Variants in VEPH1 observed in about 807,000 individuals in gnomAD.
The protein encoded by VEPH1 is ventricular zone expressed PH domain containing 1.
Under a neutral mutation model 85.2 loss-of-function variants are expected in VEPH1, and 80 were observed. The ratio of observed to expected loss-of-function variants is 0.94; its 90% confidence interval spans 0.78 to 1.13. The LOEUF (loss-of-function observed/expected upper bound fraction) is 1.13. VEPH1 is among the 50% of genes most tolerant of loss of function. The probability of loss-of-function intolerance (pLI) is 0.00; values close to 1 mark genes in which losing one functional copy is unlikely to be tolerated. For synonymous variants in VEPH1, 297 were observed against 348.0 expected, an observed-to-expected ratio of 0.85 and a Z score of 1.63; for missense variants, 955 against 980.5, an observed-to-expected ratio of 0.97 and a Z score of 0.35.
At chr3:157,444,216 T>C (rs1045430255) in intron 4 of VEPH1, among the ~76,000 whole-genome samples, 11 of 152,186 alleles carry the variant, frequency 7.2e-5, no homozygotes, top group Admixed American at 5.9e-4. Context: ...TGATATGTCC[T>C]CTGAAAGATA....
Position 157,423,015 on chromosome 3 carries a change from C to T in VEPH1, c.696+5307G>A, listed in dbSNP as rs538040685. 1.1e-3 allele frequency among the ~76,000 whole-genome samples: 168 copies of T among 152,290 alleles called. 1 individual carries two copies. Among genetic ancestry groups the T allele is most frequent in the Non-Finnish European group, 1.6e-3 (107 of 68,030 alleles). Reference sequence around the variant, plus strand: ...TTTTTTACTTCTCTAGACCTTGACCCTGTTGAGCCACTTTTTCCCCTTTGG... The same window carrying T: ...TTTTTTACTTCTCTAGACCTTGACCTTGTTGAGCCACTTTTTCCCCTTTGG... On this transcript the variant is annotated intron_variant, in intron 5 of 13. Transcript: ENST00000362010.
intron 1 of VEPH1, among the ~76,000 whole-genome samples, chr3:157,501,393 A>G (rs1046926717): frequency 2.0e-5 from 3 of 152,236 alleles, no homozygotes; most frequent in African/African-American, 7.2e-5. Flanking sequence ...CTAGAATACA[A>G]TGTATCTCAA....
At chr3:157,447,854 C>T (rs930445504) in intron 4 of VEPH1, among the ~76,000 whole-genome samples, 2 of 152,076 alleles carry the variant, frequency 1.3e-5, no homozygotes, top group Admixed American at 6.6e-5. Flanking sequence ...CTCAGCCTCC[C>T]AAAGTGCTGG....
At chr3:157,410,037 G>A (rs1731417399) in intron 6 of VEPH1, 1 of 718,666 alleles carries the variant, frequency 1.4e-6, no homozygotes, top group Non-Finnish European at 1.7e-6. Context: ...GGATCTCAAA[G>A]TTGGATTGGC....
At chr3:157,369,279 G>A (rs1463835139) in intron 7 of VEPH1, among the ~76,000 whole-genome samples, 1 of 150,206 alleles carries the variant, frequency 6.7e-6, no homozygotes, top group Non-Finnish European at 1.5e-5. Flanking sequence ...GGATGGCACA[G>A]TGCTATTTGG....
At chr3:157,286,522 C>T in intron 12 of VEPH1, 35 bp downstream of exon 12, 1 of 1,568,520 alleles carries the variant, frequency 6.4e-7, no homozygotes, top group Non-Finnish European at 8.8e-7. Context: ...ATTTGGGGCA[C>T]AAATGGTTCT....
rs143888754 is a variant in VEPH1, at chr3:157,427,880, C to A, written c.696+442G>T. Among the ~76,000 whole-genome samples the A allele has an allele frequency of 9.8e-5, 15 of 152,312 alleles. No homozygotes were observed. In the East Asian group the frequency reaches 2.7e-3, roughly 27 times the overall value. On this transcript the variant is annotated intron_variant, in intron 5 of 13. Transcript: ENST00000362010. ...TGAGATTAGCATTTGAATGGGTAGA[C>A]TGAATAAAGCAGATTGCCCCTGCAA...
At chr3:157,304,038 T>TATATATATATATATATATATAC in intron 11 of VEPH1, among the ~76,000 whole-genome samples, 1,974 of 96,742 alleles carry the variant, frequency 0.02, 83 homozygotes, top group Admixed American at 0.047. Flanking sequence ...TATATATATA[T>TATATATATATATATATATATAC]ACACACATAC....
chr3:157,315,936 A>G (rs1281093445), intron 10 of VEPH1: 1 of 152,134 alleles, frequency 6.6e-6, no homozygotes, highest in Admixed American at 6.5e-5. Context: ...AAAACGAAAG[A>G]CAGTCAATGC....
chr3:157,362,601 C>G (rs1012284531), intron 9 of VEPH1, among the ~76,000 whole-genome samples: 3 of 152,114 alleles, frequency 2.0e-5, no homozygotes, highest in African/African-American at 7.2e-5. Flanking sequence ...AGAAACCATA[C>G]TTTGAGTTCC....
intron 12 of VEPH1, among the ~76,000 whole-genome samples, chr3:157,285,664 G>T (rs1042051395): frequency 6.6e-6 from 1 of 152,178 alleles, no homozygotes; most frequent in Non-Finnish European, 1.5e-5. Flanking sequence ...CTCTCAAAGG[G>T]CACATTAGTG....
chr3:157,299,676 G>A (rs1024337204), intron 11 of VEPH1, among the ~76,000 whole-genome samples: 1 of 129,918 alleles, frequency 7.7e-6, no homozygotes, highest in Non-Finnish European at 1.8e-5. Context: ...TGCCATGATA[G>A]ATGCTGGGAC....
intron 5 of VEPH1, among the ~76,000 whole-genome samples, chr3:157,420,119 C>T (rs934242743): frequency 6.0e-5 from 9 of 148,810 alleles, no homozygotes; most frequent in South Asian, 2.1e-4. Flanking sequence ...GGGAGGTGAA[C>T]GATGAGAATA....
chr3:157,288,498 C>T (rs1577246681), intron 11 of VEPH1, among the ~76,000 whole-genome samples: 1 of 119,856 alleles, frequency 8.3e-6, no homozygotes, highest in South Asian at 2.4e-4. Context: ...AGAACAGAAA[C>T]ATATTTTTTT....
At chr3:157,326,442 G>T (rs982262012) in intron 9 of VEPH1, among the ~76,000 whole-genome samples, 1 of 152,106 alleles carries the variant, frequency 6.6e-6, no homozygotes, top group Non-Finnish European at 1.5e-5. Context: ...GGGTTATGCA[G>T]CAAGATAATA....
rs370265927 is a variant in VEPH1 at position 157,470,215 on chromosome 3, A to G, written c.354+99T>C. On this transcript the variant is annotated intron_variant, in intron 3 of 13. Transcript: ENST00000362010. ...CTTGTAGTGTCTTTTTACAGTATCT[A>G]AATGCTGCAGAAGCATTGGCTCTTG... The G allele has an allele frequency of 7.1e-4, 780 of 1,099,672 alleles. 7 individuals carry two copies. In the South Asian group the frequency reaches 7.8e-3, roughly 11 times the overall value. The allele number at this position is 1,099,672 out of a possible 1,614,324, so 68.1% of individuals were successfully genotyped here.
At chr3:157,483,438 C>T (rs900166396) in intron 2 of VEPH1, among the ~76,000 whole-genome samples, 5 of 152,016 alleles carry the variant, frequency 3.3e-5, no homozygotes, top group African/African-American at 7.2e-5. Context: ...AAACACAGAG[C>T]AGATTAGATA....
chr3:157,443,516 G>A (rs73158510), intron 4 of VEPH1: 8,301 of 152,756 alleles, frequency 0.054, 312 homozygotes, highest in East Asian at 0.12. Flanking sequence ...AAGTTATATT[G>A]CAAAAGGGAT....
At chr3:157,305,185 C>A (rs1719359586) in intron 11 of VEPH1, among the ~76,000 whole-genome samples, 1 of 140,680 alleles carries the variant, frequency 7.1e-6, no homozygotes, top group Non-Finnish European at 1.5e-5. Context: ...TCTCGGCTCA[C>A]TGCAAGCTCC....
Sources: gnomAD v4.1 joint callset for allele counts (sites outside exome capture counted in the v4.1 genomes callset) on GRCh38, gnomAD v4.1.1 for gene constraint, MANE v1.5 for transcripts, NCBI Gene and HGNC (gene_info 2026-07-23, HGNC 2026-07-21) for gene names.